The following CHD7 variants were observed in gnomAD, a reference collection of about 807,000 sequenced individuals.
CHD7 encodes the protein chromodomain helicase DNA binding protein 7.
In CHD7, 24 loss-of-function variants were observed where a neutral mutation model predicts 307.3. The ratio of observed to expected loss-of-function variants is 0.08; its 90% CI spans 0.06 to 0.11. The LOEUF (loss-of-function observed/expected upper bound fraction) is 0.11. Ranked by LOEUF, CHD7 falls within the 10% of genes least tolerant of loss-of-function variation. The pLI, the probability that CHD7 is intolerant of heterozygous loss-of-function variation, is 1.00. For missense variants in CHD7, 3,106 were observed against 3,727.1 expected, an observed-to-expected ratio of 0.83 and a Z score of 4.34; for synonymous variants, 1,363 against 1,349.9, an observed-to-expected ratio of 1.01 and a Z score of -0.21.
intron 2 of CHD7, among the ~76,000 whole-genome samples, chr8:60,752,758 A>C (rs1809700497): frequency 6.6e-6 from 1 of 152,160 alleles, no homozygotes; most frequent in Non-Finnish European, 1.5e-5. Flanking sequence ...GATTTTTGCA[A>C]TTTGTGATGT....
At chr8:60,701,179 G>T (rs1289959913) in intron 1 of CHD7, among the ~76,000 whole-genome samples, 2 of 152,220 alleles carry the variant, frequency 1.3e-5, no homozygotes, top group Non-Finnish European at 2.9e-5. Flanking sequence ...AGCAGCAACA[G>T]TTTAGTCACT....
At chr8:60,864,964 A>G (rs1211838187) in intron 37 of CHD7, 52 bp from the exon 38 acceptor site, 1 of 1,510,850 alleles carries the variant, frequency 6.6e-7, no homozygotes, top group Non-Finnish European at 9.0e-7. Context: ...CATTGAGATC[A>G]AGTTGTCTTC....
intron 23 of CHD7, among the ~76,000 whole-genome samples, chr8:60,846,660 C>T (rs904994172): frequency 1.3e-5 from 2 of 152,240 alleles, no homozygotes; most frequent in African/African-American, 4.8e-5. Flanking sequence ...ATGCATTTCT[C>T]TTTGTAAAAG....
Position 60,738,841 on chromosome 8 carries a change from A to G in CHD7, c.-174-2418A>G, listed in dbSNP as rs140907256. On this transcript the variant is annotated intron_variant, in intron 1 of 37. Coordinates refer to ENST00000423902, the MANE Select transcript of CHD7 (RefSeq NM_017780.4). ...GAGCGACATGCTTAGTTGATACCAT[A>G]TAATGCTGGCGTTTTTCAAGCGTCT... is the stretch of plus-strand genomic sequence containing the variant. 3.9e-5 allele frequency among the ~76,000 whole-genome samples: 6 copies of G among 152,260 alleles called. No individual in the cohort carries two copies. The East Asian group carries it at 1.2e-3, about 29-fold the overall frequency.
intron 1 of CHD7, among the ~76,000 whole-genome samples, chr8:60,693,211 A>C (rs115041706): frequency 6.6e-6 from 1 of 152,170 alleles, no homozygotes; most frequent in Non-Finnish European, 1.5e-5. Flanking sequence ...GTCAGAGCGC[A>C]GTCCCAGGCC....
At chr8:60,725,039 T>C (rs1808097887) in intron 1 of CHD7, among the ~76,000 whole-genome samples, 1 of 152,240 alleles carries the variant, frequency 6.6e-6, no homozygotes, top group African/African-American at 2.4e-5. Context: ...AGAACTGTTA[T>C]CTTTTACTCC....
At chr8:60,734,657 T>A (rs1808614937) in intron 1 of CHD7, among the ~76,000 whole-genome samples, 1 of 152,116 alleles carries the variant, frequency 6.6e-6, no homozygotes, top group Non-Finnish European at 1.5e-5. Flanking sequence ...ATGAGATAGC[T>A]GATGGATGGT....
chr8:60,697,474 A>T (rs1480926368), intron 1 of CHD7, among the ~76,000 whole-genome samples: 2 of 152,234 alleles, frequency 1.3e-5, no homozygotes. Flanking sequence ...AACAGAGACA[A>T]ATTGTTAACA....
In CHD7 at chr8:60,865,571, A is replaced by G. The variant is rs773395000; in HGVS notation, c.8632A>G (p.Thr2878Ala). 7 of 1,613,918 alleles carry G rather than the reference A, an allele frequency of 4.3e-6. No homozygotes were observed. The highest frequency in any genetic ancestry group is 5.1e-6 in the Non-Finnish European group (6 of 1,179,896). Reference protein sequence around the residue: ...DSANGSVGAATAPAGLPSNPL... With the variant: ...DSANGSVGAAAAPAGLPSNPL... ...TGCGAATGGATCTGTTGGTGCTGCTACTGCCCCGGCTGGATTGCCCTCAAA... is the reference window on the plus strand; with the variant it reads ...TGCGAATGGATCTGTTGGTGCTGCTGCTGCCCCGGCTGGATTGCCCTCAAA... The change falls in exon 38 of 38, where the codon ACT becomes GCT. Residue 2878 changes from threonine to alanine, a missense_variant. Coordinates refer to ENST00000423902, the MANE Select transcript of CHD7 (RefSeq NM_017780.4). The surrounding 1 kb of genome is among the most constrained non-coding windows in gnomAD (Gnocchi z 4.3).
At chr8:60,719,869 T>G (rs1392577109) in intron 1 of CHD7, among the ~76,000 whole-genome samples, 1 of 152,194 alleles carries the variant, frequency 6.6e-6, no homozygotes, top group Non-Finnish European at 1.5e-5. Flanking sequence ...CAGATCTGTT[T>G]GACAAAGGCA....
intron 6 of CHD7, among the ~76,000 whole-genome samples, chr8:60,803,790 A>G (rs1391450548): frequency 6.6e-6 from 1 of 152,262 alleles, no homozygotes; most frequent in African/African-American, 2.4e-5. Context: ...CTTTAATAAC[A>G]TTGGAAGAAA....
chr8:60,824,250 C>T, intron 13 of CHD7: 1 of 447,492 alleles, frequency 2.2e-6, no homozygotes, highest in South Asian at 7.1e-5. Flanking sequence ...ATGATAGTTT[C>T]ACTAAAGTGA....
intron 2 of CHD7, among the ~76,000 whole-genome samples, chr8:60,761,094 A>G (rs1382303987): frequency 2.0e-5 from 3 of 152,042 alleles, no homozygotes; most frequent in Non-Finnish European, 4.4e-5. Context: ...AACCAACCCA[A>G]ATGTCCGACA....
At chr8:60,714,924 G>C (rs1185676875) in intron 1 of CHD7, among the ~76,000 whole-genome samples, 1 of 152,264 alleles carries the variant, frequency 6.6e-6, no homozygotes, top group Non-Finnish European at 1.5e-5. Context: ...AATGAATGCG[G>C]TGGAGCATGA....
intron 1 of CHD7, among the ~76,000 whole-genome samples, chr8:60,689,545 A>T (rs2150485618): frequency 6.6e-6 from 1 of 152,332 alleles, no homozygotes; most frequent in Admixed American, 6.5e-5. Flanking sequence ...TGTAGCATTA[A>T]CTGCTCTGCA....
intron 1 of CHD7, among the ~76,000 whole-genome samples, chr8:60,718,237 G>T (rs1807714050): frequency 6.6e-6 from 1 of 152,222 alleles, no homozygotes; most frequent in South Asian, 2.1e-4. Flanking sequence ...AGCACTTTGG[G>T]AGGCTAAGGT....
intron 1 of CHD7, among the ~76,000 whole-genome samples, chr8:60,736,410 AGT>A (rs2150569927): frequency 6.6e-6 from 1 of 152,256 alleles, no homozygotes; most frequent in East Asian, 1.9e-4. Context: ...TCCACCTACC[AGT>A]GTGTGGATTC....
At chr8:60,694,265 A>G (rs766862998) in intron 1 of CHD7, among the ~76,000 whole-genome samples, 1 of 152,238 alleles carries the variant, frequency 6.6e-6, no homozygotes, top group Non-Finnish European at 1.5e-5. Flanking sequence ...GCAGATCTTT[A>G]GTCTGTTGCT....
chr8:60,708,636 G>A (rs1026196387), intron 1 of CHD7, among the ~76,000 whole-genome samples: 6 of 152,234 alleles, frequency 3.9e-5, no homozygotes, highest in African/African-American at 1.4e-4. Flanking sequence ...TGGATTATTC[G>A]TGATCCCTAA....
Sources: allele counts gnomAD v4.1 joint callset (sites outside exome capture counted in the v4.1 genomes callset), GRCh38; gene constraint gnomAD v4.1.1; non-coding constraint Gnocchi (gnomAD v3.1); transcripts MANE v1.5; gene names NCBI Gene and HGNC (gene_info 2026-07-23, HGNC 2026-07-21).